FAM9A: variants seen among roughly 807,000 people sequenced by gnomAD.
FAM9A encodes the protein protein FAM9A.
In FAM9A, 49 loss-of-function variants were observed where a neutral mutation model predicts 25.0. The observed-to-expected ratio is 1.96, with a 90% CI of 1.56 to 2.48. The LOEUF (loss-of-function observed/expected upper bound fraction) is 2.48, where lower values mean the gene tolerates loss of function less well. Among genes scored for constraint, FAM9A ranks in the 30% most tolerant of loss-of-function variants. The pLI is 0.00. For synonymous variants in FAM9A, 80 were observed against 85.1 expected, an observed-to-expected ratio of 0.94 and a Z score of 0.33; for missense variants, 266 against 249.3, an observed-to-expected ratio of 1.07 and a Z score of -0.45.
chrX:8,796,298 T>C lies in FAM9A; in HGVS notation c.458A>G (p.Glu153Gly). 8.3e-7 allele frequency: 1 copy of C among 1,203,405 alleles called. No homozygotes were observed. ...AAYRKTKNTI[E>G]RALKKKQLKR... ...TAGTTGTTTTTTTTTCAAAGCACGT[T>C]CAATTGTGTTCTTGGTTTTCCTGTA... is the stretch of plus-strand genomic sequence containing the variant. The change falls in exon 6 of 10, where the codon GAA becomes GGA. Residue 153 changes from glutamate to glycine, a missense_variant. Transcript: ENST00000381003.
Position 8,799,050 on chromosome X carries a change from G to A in FAM9A, c.136C>T (p.Pro46Ser), listed in dbSNP as rs754948649. The A allele has an allele frequency of 5.5e-5, 67 of 1,211,109 alleles. 1 individual carries two copies. The highest frequency in any genetic ancestry group is 7.5e-5 in the Non-Finnish European group (67 of 895,299). Residue 46 changes from proline (P) to serine (S), a missense_variant, in exon 3 of 10, where the codon CCC becomes TCC. Physicochemically the swap from Pro to Ser is moderately conservative, Grantham distance 74. Coordinates refer to ENST00000381003, the MANE Select transcript of FAM9A (RefSeq NM_174951.3). ...SNFPGQPTME[P>S]VGRKRSRKAA... Reference sequence around the variant, plus strand: ...TTCCTGCTGCGCTTCCTGCCCACGGGCTCCATGGTTGGCTGTCCTGGGAAG... The same window carrying A: ...TTCCTGCTGCGCTTCCTGCCCACGGACTCCATGGTTGGCTGTCCTGGGAAG...
chrX:8,800,147 T>C lies in FAM9A; in HGVS notation c.25A>G (p.Ser9Gly), dbSNP rs1376496605. MEPVGRKR[S>G]RKAAKAQLEA... is the part of the protein sequence containing the mutation. ...AACTGAGCTTTGGCAGCCTTCCTGC[T>C]GCGCTTCCTGCCCACGGGCTCCATG... The change falls in exon 2 of 10, where the codon AGC (serine) becomes GGC (glycine). Residue 9 changes from serine (S) to glycine (G), a missense_variant. Coordinates refer to ENST00000381003, the MANE Select transcript of FAM9A (RefSeq NM_174951.3). The C allele has an allele frequency of 8.3e-7, 1 of 1,206,800 alleles. No individual in the cohort carries two copies. The highest frequency in any genetic ancestry group is 1.1e-6 in the Non-Finnish European group (1 of 893,815).
rs754119866 is a variant in FAM9A, at chrX:8,795,268, G to GCTGCTGCTGCTGCGGCTT, written c.623_640dup (p.Glu208_Ala213dup). The GCTGCTGCTGCTGCGGCTT allele has an allele frequency of 4.0e-4, 446 of 1,127,900 alleles. 1 individual carries two copies. Among genetic ancestry groups the GCTGCTGCTGCTGCGGCTT allele is most frequent in the Non-Finnish European group, 4.5e-4 (376 of 836,099 alleles). 93.0% of individuals were successfully genotyped at this position (1,127,900 alleles called of 1,213,427 possible). On this transcript the variant is annotated inframe_insertion, in exon 7 of 10. Transcript: ENST00000381003. ...TTCGTCTTCTACTACTATTACTTCT[G>GCTGCTGCTGCTGCGGCTT]CTGCTGCTGCTGCGGCTTCTGCTGC...
intron 8 of FAM9A, among the ~76,000 whole-genome samples, chrX:8,793,408 G>A (rs1007914472): frequency 6.3e-5 from 7 of 111,814 alleles, no homozygotes; most frequent in Non-Finnish European, 1.3e-4. Context: ...TACACAAGAT[G>A]TATATTTCCA....
intron 6 of FAM9A, 131 bp from the exon 7 acceptor site, chrX:8,795,551 T>C (rs1409493566): frequency 1.9e-6 from 1 of 540,284 alleles, no homozygotes; most frequent in Non-Finnish European, 2.8e-6. Flanking sequence ...TGAAATCTTC[T>C]TTTTGGGAAA....
In FAM9A at chrX:8,798,401, T is replaced by A. The variant is rs1306157508; in HGVS notation, c.299A>T (p.His100Leu). 8.2e-7 allele frequency: 1 copy of A among 1,212,190 alleles called. No homozygotes were observed. The highest frequency in any genetic ancestry group is 1.1e-6 in the Non-Finnish European group (1 of 895,658). Residue 100 changes from histidine to leucine, a missense_variant, in exon 4 of 10, where the codon CAT becomes CTT. Physicochemically the swap from His to Leu is moderately conservative, Grantham distance 99 (BLOSUM62 -3). Coordinates refer to ENST00000381003, the MANE Select transcript of FAM9A (RefSeq NM_174951.3). ...ETREEDVTDE[H>L]GEREPFAEKD... ...TTCAGCAAAAGGTTCTCTTTCCCCATGCTCATCAGTTACATCTTCCTCCCT... is the reference window on the plus strand; with the variant it reads ...TTCAGCAAAAGGTTCTCTTTCCCCAAGCTCATCAGTTACATCTTCCTCCCT...
Position 8,799,057 on chromosome X carries a change from G to T in FAM9A, c.129C>A (p.Thr43=), listed in dbSNP as rs1409259988. ...TGCGCTTCCTGCCCACGGGCTCCAT[G>T]GTTGGCTGTCCTGGGAAGTTAGAGG... ...GIASNFPGQP[T]MEPVGRKRSR... Residue 43 remains threonine, a synonymous_variant, in exon 3 of 10, where the codon ACC becomes ACA. Transcript: ENST00000381003. 2.2e-5 allele frequency: 27 copies of T among 1,210,878 alleles called. No homozygotes were observed. Among genetic ancestry groups the T allele is most frequent in the Non-Finnish European group, 3.0e-5 (27 of 895,163 alleles).
At chrX:8,796,054 G>A (rs1049412998) in intron 6 of FAM9A, among the ~76,000 whole-genome samples, 2 of 111,148 alleles carry the variant, frequency 1.8e-5, no homozygotes, top group African/African-American at 6.5e-5. Flanking sequence ...GGCAAAAAGA[G>A]GTCATCTTCA....
At chrX:8,795,563 G>T in intron 6 of FAM9A, 143 bp from the exon 7 acceptor site, 1 of 473,880 alleles carries the variant, frequency 2.1e-6, no homozygotes. Flanking sequence ...TTTGGGAAAA[G>T]GTGAAATGAG....
Position 8,795,148 on chromosome X carries a change from C to CCTCCTCCTTCTTCTCCTTCTT in FAM9A, c.740_760dup (p.Glu247_Gly253dup). 9.2e-7 allele frequency: 1 copy of CCTCCTCCTTCTTCTCCTTCTT among 1,083,018 alleles called. No individual in the cohort carries two copies. Among genetic ancestry groups the CCTCCTCCTTCTTCTCCTTCTT allele is most frequent in the East Asian group, 3.1e-5 (1 of 32,051 alleles). 89.3% of individuals were successfully genotyped at this position (1,083,018 alleles called of 1,213,427 possible). ...TTCTGTTTCTTCTCCTTCTCCTCCT[C>CCTCCTCCTTCTTCTCCTTCTT]CTCCTCCTTCTTCTCCTTCTTCTCC... On this transcript the variant is annotated inframe_insertion, in exon 7 of 10. Transcript: ENST00000381003.
chrX:8,795,096 CTCT>C lies in FAM9A; in HGVS notation c.810_812del (p.Glu275del), dbSNP rs759137882. 1.6e-3 allele frequency: 1,824 copies of C among 1,166,623 alleles called. 3 individuals are homozygous for C. The highest frequency in any genetic ancestry group is 1.9e-3 in the Non-Finnish European group (1,648 of 870,985). The stretch of plus-strand genomic sequence containing the variant: ...TACCAACAATTTGTTCTTCCTCTTC[CTCT>C]TCTTCTTCTTCCTCTTCCTCTTCTT... On this transcript the variant is annotated inframe_deletion, in exon 7 of 10. Transcript: ENST00000381003.
intron 8 of FAM9A, 38 bp downstream of exon 8, chrX:8,793,620 G>A (rs756086983): frequency 9.4e-7 from 1 of 1,068,221 alleles, no homozygotes; most frequent in East Asian, 3.0e-5. Context: ...TGCACGTGTT[G>A]TATTTTATAA....
intron 7 of FAM9A, among the ~76,000 whole-genome samples, 192 bp downstream of exon 7, chrX:8,794,886 C>T (rs1158657666): frequency 1.8e-5 from 2 of 111,959 alleles, no homozygotes; most frequent in South Asian, 3.7e-4. Context: ...ACTTCTTTAT[C>T]GCTATGATGC....
Position 8,800,168 on chromosome X carries a change from C to A in FAM9A, c.4G>T (p.Glu2Ter). Residue 2 changes from glutamate (E) to a stop codon, truncating the protein, a stop_gained, in exon 2 of 10, where the codon GAG becomes TAG. Coordinates refer to ENST00000381003, the MANE Select transcript of FAM9A (RefSeq NM_174951.3). LOFTEE classifies it high-confidence loss of function. Reference sequence around the variant, plus strand: ...CTGCTGCGCTTCCTGCCCACGGGCTCCATGGTTGGCTGTCCTGGGAAGTTA... The same window carrying A: ...CTGCTGCGCTTCCTGCCCACGGGCTACATGGTTGGCTGTCCTGGGAAGTTA... The part of the protein sequence containing the change: M[E>*]PVGRKRSRKA... 2.5e-6 allele frequency: 3 copies of A among 1,208,101 alleles called. No homozygotes were observed. Among genetic ancestry groups the A allele is most frequent in the African/African-American group, 3.5e-5 (2 of 57,467 alleles).
intron 2 of FAM9A, among the ~76,000 whole-genome samples, chrX:8,799,342 G>C (rs1301904886): frequency 1.8e-5 from 2 of 110,187 alleles, no homozygotes; most frequent in Non-Finnish European, 3.8e-5. Flanking sequence ...GGATCCTTGC[G>C]GTGTCCCTGG....
chrX:8,795,486 C>T (rs1286779020), intron 6 of FAM9A, 66 bp from the exon 7 acceptor site: 43 of 936,697 alleles, frequency 4.6e-5, no homozygotes, highest in Non-Finnish European at 6.1e-5. Context: ...CCTATTCAAA[C>T]CAAAACTGAC....
chrX:8,800,044 C>G, intron 2 of FAM9A, 37 bp downstream of exon 2: 1 of 1,197,904 alleles, frequency 8.3e-7, no homozygotes, highest in Non-Finnish European at 1.1e-6. Context: ...GTGCCCCCCG[C>G]GCAGAGAGCA....
At chrX:8,794,800 C>T (rs773734849) in intron 7 of FAM9A, among the ~76,000 whole-genome samples, 119 of 112,195 alleles carry the variant, frequency 1.1e-3, no homozygotes, top group Middle Eastern at 4.6e-3. Context: ...TATCAACGTG[C>T]GCAGCTACAC....
rs757500305 is a variant in FAM9A at position 8,800,005 on chromosome X, A to G, written c.91+76T>C. ...CGTGCATGGTGGACTCCAAAGCCAC[A>G]AAGGGGCCAGGGGTCTCGGGCTGCC... On this transcript the variant is annotated intron_variant, in intron 2 of 9. Transcript: ENST00000381003. 4.0e-4 allele frequency: 441 copies of G among 1,089,810 alleles called. 3 individuals carry two copies. Among genetic ancestry groups the G allele is most frequent in the Middle Eastern group, 4.0e-3 (16 of 4,018 alleles). 89.8% of individuals were successfully genotyped at this position (1,089,810 alleles called of 1,213,427 possible). A position where few individuals can be genotyped will look rare whatever the true frequency, so the allele number is the denominator to read the frequency against.
Sources: gnomAD v4.1 joint callset for allele counts (sites outside exome capture counted in the v4.1 genomes callset) on GRCh38, gnomAD v4.1.1 for gene constraint, MANE v1.5 for transcripts, NCBI Gene and HGNC (gene_info 2026-07-23, HGNC 2026-07-21) for gene names.